Variants in MAGI1 observed in about 807,000 individuals in gnomAD.
MAGI1 encodes the protein membrane-associated guanylate kinase, WW and PDZ domain-containing protein 1.
A neutral mutation model predicts 139.9 loss-of-function variants in MAGI1; 58 were observed. The ratio of observed to expected loss-of-function variants is 0.41; its 90% CI spans 0.34 to 0.52. The LOEUF (loss-of-function observed/expected upper bound fraction) is 0.52. Ranked by LOEUF, MAGI1 falls within the 20% of genes least tolerant of loss-of-function variation. The pLI is 0.12. For synonymous variants in MAGI1, 812 were observed against 737.9 expected, an observed-to-expected ratio of 1.10 and a Z score of -1.63; for missense variants, 1,874 against 1,901.6, an observed-to-expected ratio of 0.99 and a Z score of 0.27.
chr3:65,455,324 A>C (rs7648306), intron 5 of MAGI1, among the ~76,000 whole-genome samples: 151,444 of 152,282 alleles, frequency 0.99, 75,313 homozygotes, highest in Middle Eastern at 1. Flanking sequence ...TATAGTCACA[A>C]CTGGTTACCT....
chr3:65,952,071 T>C (rs1174651566), intron 1 of MAGI1, among the ~76,000 whole-genome samples: 1 of 152,210 alleles, frequency 6.6e-6, no homozygotes, highest in Non-Finnish European at 1.5e-5. Context: ...ACATTCATAA[T>C]TCAAGGAAAT....
chr3:65,623,965 C>A (rs907328809), intron 1 of MAGI1, among the ~76,000 whole-genome samples: 1 of 152,178 alleles, frequency 6.6e-6, no homozygotes, highest in African/African-American at 2.4e-5. Flanking sequence ...AAAATCAGCA[C>A]AAGGTTTGAA....
At chr3:65,607,790 T>C (rs948126639) in intron 2 of MAGI1, among the ~76,000 whole-genome samples, 1 of 152,202 alleles carries the variant, frequency 6.6e-6, no homozygotes, top group East Asian at 1.9e-4. Flanking sequence ...AAGTGTTCCT[T>C]TGAACAAATC....
chr3:65,903,453 A>C (rs187126575), intron 1 of MAGI1, among the ~76,000 whole-genome samples: 115 of 152,214 alleles, frequency 7.6e-4, no homozygotes, highest in African/African-American at 2.6e-3. Context: ...AGCAATGCCT[A>C]CTTCCTAGGG....
intron 2 of MAGI1, among the ~76,000 whole-genome samples, chr3:65,507,530 TC>T (rs2077347469): frequency 1.3e-5 from 2 of 152,296 alleles, no homozygotes; most frequent in East Asian, 3.9e-4. Flanking sequence ...GCTTATGTTT[TC>T]CCCCATAAAT....
intron 1 of MAGI1, among the ~76,000 whole-genome samples, chr3:65,629,836 A>C (rs2107142365): frequency 6.6e-6 from 1 of 151,698 alleles, no homozygotes; most frequent in African/African-American, 2.4e-5. Flanking sequence ...TGGATGCTGA[A>C]AAAGTTCTAG....
chr3:65,506,948 T>C (rs2077313670), intron 2 of MAGI1, among the ~76,000 whole-genome samples: 1 of 152,236 alleles, frequency 6.6e-6, no homozygotes. Context: ...GCATGATAGT[T>C]CTGAAGCCTT....
chr3:65,909,152 G>A (rs1266904104), intron 1 of MAGI1, among the ~76,000 whole-genome samples: 1 of 152,112 alleles, frequency 6.6e-6, no homozygotes, highest in Non-Finnish European at 1.5e-5. Context: ...ATGTACTCAA[G>A]TATATAAATT....
At chr3:65,798,409 T>C (rs1316554032) in intron 1 of MAGI1, among the ~76,000 whole-genome samples, 1 of 151,986 alleles carries the variant, frequency 6.6e-6, no homozygotes, top group African/African-American at 2.4e-5. Flanking sequence ...GAAACATAAG[T>C]CATCAGGACC....
rs58806140 is a variant in MAGI1 at position 65,395,636 on chromosome 3, C to CAAAAAAAAAAAAAAAAAAAAAAA, written c.2200-4279_2200-4278insTTTTTTTTTTTTTTTTTTTTTTT. ...TGGGTGACAGAGCGAGACTCCATCT[C>CAAAAAAAAAAAAAAAAAAAAAAA]AAAAAAAAAAAAAAAAAAAAAGAGG... On this transcript the variant is annotated intron_variant, in intron 13 of 22. Coordinates refer to ENST00000402939, the MANE Select transcript of MAGI1 (RefSeq NM_001033057.2). 1.9e-3 allele frequency among the ~76,000 whole-genome samples: 36 copies of CAAAAAAAAAAAAAAAAAAAAAAA among 19,168 alleles called. 10 individuals carry two copies. Among genetic ancestry groups the CAAAAAAAAAAAAAAAAAAAAAAA allele is most frequent in the Middle Eastern group, 0.083 (1 of 12 alleles). 12.6% of individuals were successfully genotyped at this position (19,168 alleles called of 152,430 possible). A position where few individuals can be genotyped will look rare whatever the true frequency, so the allele number is the denominator to read the frequency against.
At chr3:65,503,240 A>G (rs2077155409) in intron 2 of MAGI1, among the ~76,000 whole-genome samples, 1 of 152,162 alleles carries the variant, frequency 6.6e-6, no homozygotes, top group South Asian at 2.1e-4. Flanking sequence ...TCATCCCTAT[A>G]ACACATTATA....
Position 65,812,493 on chromosome 3 carries a change from T to C in MAGI1, c.314-190405A>G, listed in dbSNP as rs941022763. ...TCACACACACACACACACACACACT[T>C]CTCTATCATTTTCTTTTATTTCAGG... On this transcript the variant is annotated intron_variant, in intron 1 of 22. Transcript: ENST00000402939. Among the ~76,000 whole-genome samples, 5 of 58,864 alleles carry C rather than the reference T, an allele frequency of 8.5e-5. No individual in the cohort carries two copies. In the South Asian group the frequency reaches 4.3e-3, roughly 51 times the overall value. The allele number at this position is 58,864 out of a possible 152,430, so 38.6% of individuals were successfully genotyped here. A position where few individuals can be genotyped will look rare whatever the true frequency, so the allele number is the denominator to read the frequency against.
intron 1 of MAGI1, among the ~76,000 whole-genome samples, chr3:65,939,016 C>T (rs1397370366): frequency 6.6e-6 from 1 of 152,118 alleles, no homozygotes; most frequent in Non-Finnish European, 1.5e-5. Flanking sequence ...GAGTAAAACA[C>T]TAGCACTAGT....
chr3:65,427,975 A>C (rs909131997), intron 12 of MAGI1, among the ~76,000 whole-genome samples: 13 of 152,204 alleles, frequency 8.5e-5, no homozygotes, highest in African/African-American at 3.1e-4. Flanking sequence ...TAGTTGGTGG[A>C]AATGACATTT....
chr3:65,645,358 A>G (rs1452806070), intron 1 of MAGI1, among the ~76,000 whole-genome samples: 1 of 152,126 alleles, frequency 6.6e-6, no homozygotes, highest in Non-Finnish European at 1.5e-5. Context: ...TTTCATCAGA[A>G]ACCATGGAAA....
intron 1 of MAGI1, among the ~76,000 whole-genome samples, chr3:65,838,888 G>C (rs1459009686): frequency 6.6e-6 from 1 of 152,138 alleles, no homozygotes; most frequent in Non-Finnish European, 1.5e-5. Context: ...ACCAGGATTT[G>C]GTGTTGCCAC....
chr3:65,550,810 A>C (rs1338213675), intron 2 of MAGI1, among the ~76,000 whole-genome samples: 1 of 151,676 alleles, frequency 6.6e-6, no homozygotes, highest in East Asian at 1.9e-4. Context: ...ACAAAAAAAA[A>C]AAATACAAAA....
chr3:65,894,997 AGGACTGAAT>A lies in MAGI1; in HGVS notation c.313+142990_313+142998del, dbSNP rs1443006898. On this transcript the variant is annotated intron_variant, in intron 1 of 22. Transcript: ENST00000402939. Reference sequence around the variant, plus strand: ...ACCCATCACTGTGGCATTTCCAAACAGGACTGAATGGTTGGAAACGGAGGTGCTAGCTAA... The same window carrying A: ...ACCCATCACTGTGGCATTTCCAAACAGGTTGGAAACGGAGGTGCTAGCTAA... Among the ~76,000 whole-genome samples, 10 of 152,346 alleles carry A rather than the reference AGGACTGAAT, an allele frequency of 6.6e-5. No homozygotes were observed. The Middle Eastern group carries it at 0.014, about 207-fold the overall frequency.
intron 6 of MAGI1, 164 bp from the exon 7 acceptor site, chr3:65,448,221 T>C (rs1387395160): frequency 1.6e-5 from 11 of 668,992 alleles, no homozygotes; most frequent in Non-Finnish European, 2.9e-5. Flanking sequence ...ATAGTAAACT[T>C]GCGACCTCAG....
Sources: allele counts gnomAD v4.1 joint callset (sites outside exome capture counted in the v4.1 genomes callset), GRCh38; gene constraint gnomAD v4.1.1; transcripts MANE v1.5; gene names NCBI Gene and HGNC (gene_info 2026-07-23, HGNC 2026-07-21).